The following RPH3A variants were observed in gnomAD, a reference collection of about 807,000 sequenced individuals.
The protein encoded by RPH3A is rabphilin-3A.
RPH3A carries 48 observed loss-of-function variants against 102.2 expected under a neutral mutation model. That is an observed-to-expected ratio of 0.47 (90% confidence interval 0.37 to 0.60). The LOEUF (loss-of-function observed/expected upper bound fraction) is 0.60, where lower values mean the gene tolerates loss of function less well. Among genes scored for constraint, RPH3A ranks in the 20% least tolerant of loss-of-function variants. The probability of loss-of-function intolerance (pLI) is 0.00; values close to 1 mark genes in which losing one functional copy is unlikely to be tolerated. For synonymous variants in RPH3A, 310 were observed against 324.3 expected, an observed-to-expected ratio of 0.96 and a Z score of 0.47; for missense variants, 781 against 910.1, an observed-to-expected ratio of 0.86 and a Z score of 1.83.
intron 1 of RPH3A, among the ~76,000 whole-genome samples, chr12:112,706,913 G>A (rs2040430724): frequency 6.6e-6 from 1 of 152,178 alleles, no homozygotes; most frequent in Non-Finnish European, 1.5e-5. Context: ...CTTGTAGTCT[G>A]ACGAGTCCCT....
At chr12:112,886,092 T>A (rs890988439) in intron 16 of RPH3A, among the ~76,000 whole-genome samples, 7 of 152,072 alleles carry the variant, frequency 4.6e-5, no homozygotes, top group African/African-American at 1.7e-4. Flanking sequence ...GCTATGAGGG[T>A]GTTTGGGCCC....
At chr12:112,879,940 G>T (rs140769563) in intron 14 of RPH3A, among the ~76,000 whole-genome samples, 1 of 152,316 alleles carries the variant, frequency 6.6e-6, no homozygotes, top group East Asian at 1.9e-4. Context: ...TTGTAAATTG[G>T]GGATAATAGT....
intron 1 of RPH3A, among the ~76,000 whole-genome samples, chr12:112,621,832 T>C (rs921489562): frequency 2.4e-4 from 37 of 151,676 alleles, no homozygotes; most frequent in East Asian, 8.0e-4. Context: ...AAGAGAGCAG[T>C]GGTTCTCCCA....
intron 1 of RPH3A, among the ~76,000 whole-genome samples, chr12:112,686,668 C>T (rs570583501): frequency 3.0e-4 from 46 of 152,194 alleles, no homozygotes; most frequent in Non-Finnish European, 6.2e-4. Context: ...AATTCCCCAG[C>T]CTACTGCAGA....
chr12:112,647,927 G>A (rs1451281709), intron 1 of RPH3A, among the ~76,000 whole-genome samples: 4 of 152,156 alleles, frequency 2.6e-5, no homozygotes, highest in Admixed American at 2.6e-4. Context: ...AACTGTTATT[G>A]TTATTATTCT....
At chr12:112,595,558 C>T (rs958513017) in intron 1 of RPH3A, among the ~76,000 whole-genome samples, 2 of 152,236 alleles carry the variant, frequency 1.3e-5, no homozygotes, top group Non-Finnish European at 1.5e-5. Flanking sequence ...ATCCTGTGCA[C>T]TACCTTTTTT....
chr12:112,655,417 C>T (rs918963488), intron 1 of RPH3A, among the ~76,000 whole-genome samples: 1 of 152,120 alleles, frequency 6.6e-6, no homozygotes, highest in Non-Finnish European at 1.5e-5. Flanking sequence ...CGGGTCCAGC[C>T]TTTTCTTTCA....
chr12:112,632,119 T>A (rs1275605093), intron 1 of RPH3A, among the ~76,000 whole-genome samples: 1 of 151,950 alleles, frequency 6.6e-6, no homozygotes, highest in African/African-American at 2.4e-5. Context: ...AAAAGAGGAG[T>A]TCCCCTGCAC....
chr12:112,731,788 T>C (rs934390263), intron 1 of RPH3A, among the ~76,000 whole-genome samples: 1 of 152,230 alleles, frequency 6.6e-6, no homozygotes, highest in Non-Finnish European at 1.5e-5. Context: ...GACAGGTGTT[T>C]TGTTTTTCTT....
Position 112,701,633 on chromosome 12 carries a change from G to A in RPH3A, c.-139-90510G>A, listed in dbSNP as rs544597150. 4.6e-5 allele frequency among the ~76,000 whole-genome samples: 7 copies of A among 152,336 alleles called. No individual in the cohort carries two copies. In the South Asian group the frequency reaches 1.5e-3, roughly 32 times the overall value. Reference sequence around the variant, plus strand: ...TGGGTTATTTCAATCTTATATTGGGGAGTGATAGAGATGGTAAGATGTTAT... The same window carrying A: ...TGGGTTATTTCAATCTTATATTGGGAAGTGATAGAGATGGTAAGATGTTAT... On this transcript the variant is annotated intron_variant, in intron 1 of 21. Transcript: ENST00000543106.
intron 1 of RPH3A, among the ~76,000 whole-genome samples, chr12:112,685,638 A>T (rs992175809): frequency 2.6e-5 from 4 of 152,148 alleles, no homozygotes; most frequent in Non-Finnish European, 5.9e-5. Context: ...CACATCTAGG[A>T]CATGTCCATC....
intron 2 of RPH3A, among the ~76,000 whole-genome samples, chr12:112,798,273 T>C (rs909000270): frequency 6.6e-6 from 1 of 152,232 alleles, no homozygotes; most frequent in African/African-American, 2.4e-5. Context: ...AGGAAACTCA[T>C]CTGACAGCAT....
intron 4 of RPH3A, chr12:112,837,927 A>G (rs1488423718): frequency 2.4e-6 from 1 of 408,890 alleles, no homozygotes; most frequent in East Asian, 7.3e-5. Context: ...CCCTTCCTCT[A>G]TTAATAAACA....
At chr12:112,621,961 A>G (rs1457811136) in intron 1 of RPH3A, among the ~76,000 whole-genome samples, 2 of 150,708 alleles carry the variant, frequency 1.3e-5, no homozygotes, top group Non-Finnish European at 3.0e-5. Flanking sequence ...GACACCTCAC[A>G]CGGCAGGGTA....
intron 2 of RPH3A, among the ~76,000 whole-genome samples, chr12:112,813,857 A>G (rs540891508): frequency 6.6e-6 from 1 of 152,320 alleles, no homozygotes; most frequent in Non-Finnish European, 1.5e-5. Flanking sequence ...GTAACTCTAA[A>G]GCCTGGGCTG....
intron 1 of RPH3A, among the ~76,000 whole-genome samples, chr12:112,710,640 G>C (rs146223870): frequency 6.6e-6 from 1 of 152,144 alleles, no homozygotes; most frequent in Non-Finnish European, 1.5e-5. Flanking sequence ...AACAAATGAG[G>C]CAGTTTTGCC....
intron 1 of RPH3A, among the ~76,000 whole-genome samples, chr12:112,633,915 G>C (rs1015477159): frequency 6.6e-6 from 1 of 152,148 alleles, no homozygotes; most frequent in Non-Finnish European, 1.5e-5. Context: ...TTGCAGCACT[G>C]CTTGAGGTTA....
chr12:112,860,372 T>C (rs12313236), intron 5 of RPH3A, among the ~76,000 whole-genome samples: 79 of 152,288 alleles, frequency 5.2e-4, no homozygotes, highest in African/African-American at 1.9e-3. Flanking sequence ...ATGATCTTAA[T>C]TCTGTTGCAT....
intron 1 of RPH3A, among the ~76,000 whole-genome samples, chr12:112,581,839 C>A (rs2039403245): frequency 6.7e-6 from 1 of 148,364 alleles, no homozygotes; most frequent in African/African-American, 2.5e-5. Context: ...TGCTGCTCAC[C>A]AGCTACGTGA....
Sources: gnomAD v4.1 joint callset for allele counts (sites outside exome capture counted in the v4.1 genomes callset) on GRCh38, gnomAD v4.1.1 for gene constraint, MANE v1.5 for transcripts, NCBI Gene and HGNC (gene_info 2026-07-23, HGNC 2026-07-21) for gene names.